Variants in CPSF7 observed in about 807,000 individuals in gnomAD.
CPSF7 encodes cleavage and polyadenylation specificity factor subunit 7.
In CPSF7, 1 loss-of-function variant was observed where a neutral mutation model predicts 44.3. The ratio of observed to expected loss-of-function variants is 0.02; its 90% CI spans 0.01 to 0.11. The LOEUF (loss-of-function observed/expected upper bound fraction) is 0.11. CPSF7 is among the 10% of genes least tolerant of loss of function. CPSF7 has a pLI of 1.00. For synonymous variants in CPSF7, 202 were observed against 222.0 expected (o/e 0.91, Z 0.80); for missense variants, 443 against 607.2 (o/e 0.73, Z 2.84).
At chr11:61,429,541 C>G in intron 1 of CPSF7, 1 of 570,698 alleles carries the variant, frequency 1.8e-6, no homozygotes, top group Non-Finnish European at 2.9e-6. Context: ...TATGGCGCGA[C>G]GGAAAAGTCC....
intron 2 of CPSF7, chr11:61,427,049 A>C (rs1861433196): frequency 6.8e-6 from 1 of 146,328 alleles, no homozygotes. Flanking sequence ...AAAAAAAAAA[A>C]AAAGAGAAGA....
chr11:61,410,903 A>G, intron 9 of CPSF7, 35 bp downstream of exon 9: 1 of 1,530,242 alleles, frequency 6.5e-7, no homozygotes. Context: ...TTAATAAAAA[A>G]TCCCCCAGCA....
chr11:61,411,150 T>A, intron 8 of CPSF7, 45 bp from the exon 9 acceptor site: 1 of 1,547,830 alleles, frequency 6.5e-7, no homozygotes, highest in Non-Finnish European at 8.7e-7. Context: ...CCTACCACTT[T>A]CTTTCCAAGA....
At chr11:61,411,190 G>A (rs1040293333) in intron 8 of CPSF7, 85 bp from the exon 9 acceptor site, 2 of 1,361,964 alleles carry the variant, frequency 1.5e-6, no homozygotes, top group Non-Finnish European at 2.0e-6. Flanking sequence ...TCTGATATTT[G>A]CCTAAACTAT....
At position 61,410,927 on chromosome 11, in the gene CPSF7, C is replaced by A; in HGVS notation, c.*5+11G>T. On this transcript the variant is annotated intron_variant, in intron 9 of 9. Transcript: ENST00000439958. ...AATCCCCCAGCAGCCAGGAACGGGG[C>A]TTCTCCCCACCTTTCTCAGTGGTGC... 1.3e-6 allele frequency: 2 copies of A among 1,566,366 alleles called. No individual in the cohort carries two copies. The highest frequency in any genetic ancestry group is 1.7e-6 in the Non-Finnish European group (2 of 1,160,412).
At chr11:61,405,622 A>T (rs1859243549) in intron 9 of CPSF7, among the ~76,000 whole-genome samples, 1 of 152,208 alleles carries the variant, frequency 6.6e-6, no homozygotes, top group Admixed American at 6.5e-5. Context: ...AGCATATTAA[A>T]CAGAATTAAT....
At chr11:61,413,436 G>C (rs917422807) in intron 7 of CPSF7, among the ~76,000 whole-genome samples, 1 of 151,940 alleles carries the variant, frequency 6.6e-6, no homozygotes, top group African/African-American at 2.4e-5. Context: ...TTCGAGACCA[G>C]CCTGGCCAAA....
intron 7 of CPSF7, among the ~76,000 whole-genome samples, chr11:61,412,762 G>A (rs1859969734): frequency 6.6e-6 from 1 of 152,168 alleles, no homozygotes; most frequent in East Asian, 1.9e-4. Flanking sequence ...CACACAGTAA[G>A]GATCAATAAA....
chr11:61,427,871 T>C (rs776875399), intron 2 of CPSF7, among the ~76,000 whole-genome samples: 1 of 152,162 alleles, frequency 6.6e-6, no homozygotes, highest in Non-Finnish European at 1.5e-5. Context: ...AAAAATAGAT[T>C]TTCATGTAAA....
chr11:61,427,956 G>C (rs1861549151), intron 2 of CPSF7, among the ~76,000 whole-genome samples: 1 of 152,176 alleles, frequency 6.6e-6, no homozygotes, highest in South Asian at 2.1e-4. Flanking sequence ...GGTCAAACCA[G>C]GGAACTTTCC....
At chr11:61,408,694 C>CA (rs1462497785) in intron 9 of CPSF7, among the ~76,000 whole-genome samples, 11 of 152,306 alleles carry the variant, frequency 7.2e-5, no homozygotes, top group Non-Finnish European at 1.5e-5. Flanking sequence ...AAAGACACAG[C>CA]ACCCCCTCTG....
chr11:61,404,105 CGT>C lies in CPSF7; in HGVS notation c.*603_*604del, dbSNP rs1256738824. On this transcript the variant is annotated 3_prime_UTR_variant, in exon 10 of 10. Coordinates refer to ENST00000439958, the MANE Select transcript of CPSF7 (RefSeq NM_001142565.3). The stretch of plus-strand genomic sequence containing the variant: ...AGGTCAAAGAAATAAACCGTCAATA[CGT>C]GAGAGGGAAAGCAGGAACAGAAGTA... The C allele has an allele frequency of 6.6e-6, 1 of 152,516 alleles. No individual in the cohort carries two copies. Among genetic ancestry groups the C allele is most frequent in the African/African-American group, 2.4e-5 (1 of 41,390 alleles). 9.4% of individuals were successfully genotyped at this position (152,516 alleles called of 1,614,324 possible). A position where few individuals can be genotyped will look rare whatever the true frequency, so the allele number is the denominator to read the frequency against.
At chr11:61,417,970 A>G (rs757828082) in intron 5 of CPSF7, among the ~76,000 whole-genome samples, 13 of 152,240 alleles carry the variant, frequency 8.5e-5, no homozygotes, top group Non-Finnish European at 1.9e-4. Context: ...AAAGTAGCTG[A>G]GTAGAAGTAG....
Position 61,419,994 on chromosome 11 carries a change from C to T in CPSF7, c.478G>A (p.Ala160Thr). The T allele has an allele frequency of 1.9e-6, 3 of 1,614,194 alleles. No homozygotes were observed. The South Asian group carries it at 3.3e-5, about 18-fold the overall frequency. Reference protein sequence around the residue: ...LNGEKVDVRPATRQNLSQFEA... With the variant: ...LNGEKVDVRPTTRQNLSQFEA... ...AACTGTGACAGGTTCTGCCGGGTGG[C>T]CGGCCTCACGTCCACTTTTTCTCCA... The change falls in exon 5 of 10, where the codon GCC (alanine) becomes ACC (threonine). Residue 160 changes from alanine (A) to threonine (T), a missense_variant. Transcript: ENST00000439958.
Position 61,416,319 on chromosome 11 carries a change from T to C in CPSF7, c.724A>G (p.Ser242Gly), listed in dbSNP as rs1412019806. 4 of 1,559,816 alleles carry C rather than the reference T, an allele frequency of 2.6e-6. No homozygotes were observed. The highest frequency in any genetic ancestry group is 3.5e-6 in the Non-Finnish European group (4 of 1,152,576). The stretch of plus-strand genomic sequence containing the variant: ...GGAGGAGGAGGAGGGACCCCAAAGC[T>C]TGAGGAGAGAGGTGGTGGGGGTGGA... ...PIPPPPPLSS[S>G]FGVPPPPPGI... The change falls in exon 6 of 10, where the codon AGC becomes GGC. Residue 242 changes from serine to glycine, a missense_variant. Transcript: ENST00000439958.
At chr11:61,420,692 G>T in intron 3 of CPSF7, 119 bp from the exon 4 acceptor site, 1 of 737,730 alleles carries the variant, frequency 1.4e-6, no homozygotes, top group South Asian at 1.7e-5. Flanking sequence ...CAAAAGCCTG[G>T]CAATATTTCA....
chr11:61,416,766 G>T (rs1245983781), intron 5 of CPSF7, among the ~76,000 whole-genome samples: 1 of 152,142 alleles, frequency 6.6e-6, no homozygotes, highest in East Asian at 1.9e-4. Context: ...AACTCCAGAA[G>T]TGCTTCAGAA....
intron 9 of CPSF7, among the ~76,000 whole-genome samples, chr11:61,406,863 G>A (rs1859376220): frequency 6.6e-6 from 1 of 151,924 alleles, no homozygotes; most frequent in South Asian, 2.1e-4. Flanking sequence ...CCACCTAAGT[G>A]CCCCCAAGTA....
intron 2 of CPSF7, among the ~76,000 whole-genome samples, chr11:61,427,988 T>A (rs1861553446): frequency 1.3e-5 from 2 of 152,206 alleles, no homozygotes; most frequent in African/African-American, 4.8e-5. Context: ...ATTCAATACA[T>A]GCTCTTACCA....
Sources: gnomAD v4.1 joint callset for allele counts (sites outside exome capture counted in the v4.1 genomes callset) on GRCh38, gnomAD v4.1.1 for gene constraint, MANE v1.5 for transcripts, NCBI Gene and HGNC (gene_info 2026-07-23, HGNC 2026-07-21) for gene names.